Variants in DLGAP2 observed in about 807,000 individuals in gnomAD.
DLGAP2 encodes DLG associated protein 2.
In DLGAP2, 26 loss-of-function variants were observed where a neutral mutation model predicts 100.3. The observed-to-expected ratio is 0.26, with a 90% CI of 0.19 to 0.36. DLGAP2 has a LOEUF of 0.36. Ranked by LOEUF, DLGAP2 falls within the 10% of genes least tolerant of loss-of-function variation. DLGAP2 has a pLI of 1.00. For missense variants in DLGAP2, 1,858 were observed against 1,453.2 expected (o/e 1.28, Z -4.53); for synonymous variants, 886 against 630.1 (o/e 1.41, Z -6.08).
At chr8:1,476,999 G>C (rs1420897545) in intron 3 of DLGAP2, among the ~76,000 whole-genome samples, 2 of 151,884 alleles carry the variant, frequency 1.3e-5, no homozygotes, top group Non-Finnish European at 2.9e-5. Context: ...GACCCTCCAG[G>C]AACCTAAACA....
chr8:822,238 C>CGGCCTG, intron 1 of DLGAP2: 2 of 399,388 alleles, frequency 5.0e-6, no homozygotes, highest in Non-Finnish European at 8.8e-6. Flanking sequence ...GTCCGTCTTG[C>CGGCCTG]GGTCCTTACC....
rs77525208 is a variant in DLGAP2 at position 1,181,839 on chromosome 8, C to A, written c.74-77012C>A. Among the ~76,000 whole-genome samples, 15 of 152,294 alleles carry A rather than the reference C, an allele frequency of 9.8e-5. No individual in the cohort carries two copies. In the East Asian group the frequency reaches 2.7e-3, roughly 27 times the overall value. On this transcript the variant is annotated intron_variant, in intron 2 of 14. Coordinates refer to ENST00000637795, the MANE Select transcript of DLGAP2 (RefSeq NM_001346810.2). ...AGAAGGCTATGAGTGACAGGTACCA[C>A]CTTCCTCCCTGCACGGCACCCCCTG... is the stretch of plus-strand genomic sequence containing the variant.
intron 3 of DLGAP2, among the ~76,000 whole-genome samples, chr8:1,468,401 A>G (rs1249034577): frequency 6.6e-6 from 1 of 152,026 alleles, no homozygotes; most frequent in East Asian, 1.9e-4. Flanking sequence ...GCCTGTTCAC[A>G]CGGCGTGGAT....
chr8:1,136,233 G>C (rs956019721), intron 2 of DLGAP2, among the ~76,000 whole-genome samples: 9 of 151,992 alleles, frequency 5.9e-5, no homozygotes, highest in Non-Finnish European at 1.0e-4. Flanking sequence ...ACATGAGTTG[G>C]GTTGACCTCA....
chr8:1,621,966 G>A (rs538855874), intron 6 of DLGAP2: 54 of 152,304 alleles, frequency 3.5e-4, no homozygotes, highest in African/African-American at 1.3e-3. Flanking sequence ...GGCACAGAAA[G>A]CTCAAGAACA....
At chr8:855,845 C>G (rs946646728) in intron 1 of DLGAP2, among the ~76,000 whole-genome samples, 6 of 152,144 alleles carry the variant, frequency 3.9e-5, no homozygotes, top group African/African-American at 1.4e-4. Context: ...TTGAAAAAAT[C>G]CAATCCCATT....
At position 1,287,204 on chromosome 8, in the gene DLGAP2, AGTGTGT is replaced by A. The variant is rs142438693; in HGVS notation, c.106+28338_106+28343del. On this transcript the variant is annotated intron_variant, in intron 3 of 14. Transcript: ENST00000637795. The stretch of plus-strand genomic sequence containing the variant: ...TTAGGAGGGGAACTAGTTTTGGTTC[AGTGTGT>A]GTGTGTGTGTGTGTGTATGTGGTTT... Among the ~76,000 whole-genome samples, 47 of 108,886 alleles carry A rather than the reference AGTGTGT, an allele frequency of 4.3e-4. 1 individual carries two copies. The highest frequency in any genetic ancestry group is 1.0e-3 in the South Asian group (3 of 2,956). 71.4% of individuals were successfully genotyped at this position (108,886 alleles called of 152,430 possible). A position where few individuals can be genotyped will look rare whatever the true frequency, so the allele number is the denominator to read the frequency against.
At chr8:1,586,664 A>G (rs1217608824) in intron 6 of DLGAP2, among the ~76,000 whole-genome samples, 2 of 152,178 alleles carry the variant, frequency 1.3e-5, no homozygotes, top group Admixed American at 1.3e-4. Flanking sequence ...CCGCCTGCAG[A>G]GGTACCACGT....
At chr8:1,380,510 G>T (rs1365084468) in intron 3 of DLGAP2, among the ~76,000 whole-genome samples, 2 of 151,516 alleles carry the variant, frequency 1.3e-5, no homozygotes, top group African/African-American at 4.9e-5. Context: ...AAAGACTTGT[G>T]ATAAGCGAGG....
At chr8:1,428,076 G>A (rs903387577) in intron 3 of DLGAP2, among the ~76,000 whole-genome samples, 1 of 151,684 alleles carries the variant, frequency 6.6e-6, no homozygotes, top group Non-Finnish European at 1.5e-5. Context: ...AGCAAAATGA[G>A]CTAGAAAAAG....
intron 3 of DLGAP2, among the ~76,000 whole-genome samples, chr8:1,304,798 TG>T (rs1800451388): frequency 6.6e-6 from 1 of 152,182 alleles, no homozygotes; most frequent in South Asian, 2.1e-4. Context: ...ATCCATATTT[TG>T]TGGATCATCA....
At chr8:1,213,829 T>A (rs1023414955) in intron 2 of DLGAP2, among the ~76,000 whole-genome samples, 2 of 152,192 alleles carry the variant, frequency 1.3e-5, no homozygotes, top group Non-Finnish European at 2.9e-5. Context: ...CCTCCTGACC[T>A]GGTCTGGGTG....
chr8:956,671 G>A (rs912397404), intron 2 of DLGAP2, among the ~76,000 whole-genome samples: 1 of 152,192 alleles, frequency 6.6e-6, no homozygotes, highest in African/African-American at 2.4e-5. Context: ...TCTAATACAT[G>A]TGATGGCAAA....
intron 2 of DLGAP2, among the ~76,000 whole-genome samples, chr8:1,042,894 ATGTGGGTGGTGGG>A (rs1354205885): frequency 1.2e-4 from 2 of 16,154 alleles, no homozygotes; most frequent in African/African-American, 2.5e-4. Context: ...TGGGTGATGG[ATGTGGGTGGTGGG>A]TGTGGGTGGT....
intron 10 of DLGAP2, 75 bp from the exon 11 acceptor site, chr8:1,676,458 A>T: frequency 6.8e-7 from 1 of 1,460,956 alleles, no homozygotes. Context: ...CAGCAAATCC[A>T]CAACAACAAC....
chr8:745,228 G>C (rs1563407951), intron 1 of DLGAP2, among the ~76,000 whole-genome samples: 1 of 151,978 alleles, frequency 6.6e-6, no homozygotes, highest in Non-Finnish European at 1.5e-5. Context: ...GTAATATTTT[G>C]ACATTCTGAG....
intron 3 of DLGAP2, among the ~76,000 whole-genome samples, chr8:1,430,996 T>C (rs543148924): frequency 2.8e-4 from 43 of 152,224 alleles, no homozygotes; most frequent in Non-Finnish European, 5.4e-4. Flanking sequence ...ATTTACAAGA[T>C]GAGGCTAGCA....
chr8:1,389,672 G>T (rs553753718), intron 3 of DLGAP2, among the ~76,000 whole-genome samples: 1 of 152,116 alleles, frequency 6.6e-6, no homozygotes, highest in East Asian at 1.9e-4. Context: ...TGGATGCAGC[G>T]GAGAGACAAG....
chr8:815,031 C>A (rs574197247), intron 1 of DLGAP2, among the ~76,000 whole-genome samples: 1 of 151,784 alleles, frequency 6.6e-6, no homozygotes, highest in East Asian at 1.9e-4. Flanking sequence ...GTTAACGGAG[C>A]GGATATATCT....
Sources: gnomAD v4.1 joint callset for allele counts (sites outside exome capture counted in the v4.1 genomes callset) on GRCh38, gnomAD v4.1.1 for gene constraint, MANE v1.5 for transcripts, NCBI Gene and HGNC (gene_info 2026-07-23, HGNC 2026-07-21) for gene names.